ADCY2: variants seen among roughly 807,000 people sequenced by gnomAD.
ADCY2 encodes the protein adenylate cyclase 2.
In ADCY2, 31 loss-of-function variants were observed where a neutral mutation model predicts 125.2. That is an observed-to-expected ratio of 0.25 (90% CI 0.19 to 0.33). ADCY2 has a LOEUF of 0.33. Among genes scored for constraint, ADCY2 ranks in the 10% least tolerant of loss-of-function variants. The pLI is 1.00. For synonymous variants in ADCY2, 512 were observed against 548.4 expected (o/e 0.93, Z 0.93); for missense variants, 904 against 1,418.2 (o/e 0.64, Z 5.82).
chr5:7,667,158 A>G (rs149440528), intron 4 of ADCY2, among the ~76,000 whole-genome samples: 150 of 152,282 alleles, frequency 9.9e-4, no homozygotes, highest in Admixed American at 4.3e-3. Flanking sequence ...AGAAGGGGAG[A>G]GGATTACTGC....
At position 7,481,579 on chromosome 5, in the gene ADCY2, C is replaced by T. The variant is rs138448436; in HGVS notation, c.409-39159C>T. On this transcript the variant is annotated intron_variant, in intron 2 of 24. Transcript: ENST00000338316. ...ACCACGCCTGGCCTATGTTGAGTACCTTTTCATATGCCTATTAGCCATTTG... is the reference window on the plus strand; with the variant it reads ...ACCACGCCTGGCCTATGTTGAGTACTTTTTCATATGCCTATTAGCCATTTG... Among the ~76,000 whole-genome samples, 74 of 152,242 alleles carry T rather than the reference C, an allele frequency of 4.9e-4. 2 individuals are homozygous for T. In the Middle Eastern group the frequency reaches 0.014, roughly 28 times the overall value.
At chr5:7,698,108 A>G (rs1740954538) in intron 6 of ADCY2, 139 bp from the exon 7 acceptor site, 1 of 977,166 alleles carries the variant, frequency 1.0e-6, no homozygotes, top group African/African-American at 1.6e-5. Context: ...TAATGAAGGG[A>G]AGCCCAACTG....
intron 2 of ADCY2, among the ~76,000 whole-genome samples, chr5:7,516,268 T>C (rs1445954908): frequency 6.6e-6 from 1 of 152,156 alleles, no homozygotes; most frequent in East Asian, 1.9e-4. Context: ...CCATGATGTA[T>C]AGTTGATTGA....
intron 3 of ADCY2, among the ~76,000 whole-genome samples, chr5:7,555,041 C>T (rs577612242): frequency 3.3e-5 from 5 of 152,250 alleles, no homozygotes; most frequent in African/African-American, 1.2e-4. Context: ...AAAGTCATGC[C>T]TTCTTTATGC....
chr5:7,547,946 A>G (rs1472739257), intron 3 of ADCY2, among the ~76,000 whole-genome samples: 1 of 152,196 alleles, frequency 6.6e-6, no homozygotes, highest in Non-Finnish European at 1.5e-5. Context: ...CAGGAGTCTT[A>G]GTTATGGTAG....
At chr5:7,712,324 A>C (rs1169768963) in intron 10 of ADCY2, among the ~76,000 whole-genome samples, 1 of 152,162 alleles carries the variant, frequency 6.6e-6, no homozygotes, top group Non-Finnish European at 1.5e-5. Context: ...TCTCTTGGGA[A>C]CTACCAGCGC....
intron 14 of ADCY2, among the ~76,000 whole-genome samples, chr5:7,732,407 G>A (rs1028046358): frequency 1.3e-5 from 2 of 152,156 alleles, no homozygotes; most frequent in African/African-American, 4.8e-5. Context: ...AAATGCCTGG[G>A]AGCATCACCT....
At chr5:7,792,135 G>A (rs1461110101) in intron 20 of ADCY2, among the ~76,000 whole-genome samples, 1 of 150,888 alleles carries the variant, frequency 6.6e-6, no homozygotes, top group African/African-American at 2.5e-5. Context: ...ACTTTGGGAG[G>A]CCAAGGCGTT....
At chr5:7,811,238 C>T (rs1024144356) in intron 22 of ADCY2, among the ~76,000 whole-genome samples, 1 of 152,132 alleles carries the variant, frequency 6.6e-6, no homozygotes, top group African/African-American at 2.4e-5. Context: ...CGCAGTGGCT[C>T]ACGCCTGTAA....
chr5:7,472,386 C>T (rs1045039891), intron 2 of ADCY2, among the ~76,000 whole-genome samples: 8 of 152,136 alleles, frequency 5.3e-5, no homozygotes, highest in African/African-American at 1.9e-4. Flanking sequence ...TCTTATGGCT[C>T]CTGAAATTAT....
At chr5:7,499,648 GATATATATATATATATATATATAT>G (rs70940741) in intron 2 of ADCY2, among the ~76,000 whole-genome samples, 123 of 118,416 alleles carry the variant, frequency 1.0e-3, no homozygotes, top group South Asian at 4.4e-3. Flanking sequence ...TATGTGGGTG[GATATATATATATATATATATATAT>G]ATATATATAT....
chr5:7,581,268 T>C (rs12656409), intron 3 of ADCY2, among the ~76,000 whole-genome samples: 39,114 of 151,874 alleles, frequency 0.26, 5,442 homozygotes, highest in East Asian at 0.43. Flanking sequence ...TTGTAATACA[T>C]GACAGGGATA....
At chr5:7,549,137 G>A (rs774601134) in intron 3 of ADCY2, among the ~76,000 whole-genome samples, 1 of 152,164 alleles carries the variant, frequency 6.6e-6, no homozygotes, top group Non-Finnish European at 1.5e-5. Context: ...CATGAAGTTG[G>A]CATATGAAGC....
At chr5:7,487,565 G>C (rs1742987155) in intron 2 of ADCY2, among the ~76,000 whole-genome samples, 1 of 152,156 alleles carries the variant, frequency 6.6e-6, no homozygotes, top group African/African-American at 2.4e-5. Flanking sequence ...TTTCCACTGT[G>C]GGTGAGGCGA....
At chr5:7,814,359 T>C (rs1223675434) in intron 22 of ADCY2, among the ~76,000 whole-genome samples, 1 of 148,594 alleles carries the variant, frequency 6.7e-6, no homozygotes. Flanking sequence ...CCCGGAGCAT[T>C]GTTATTGTCA....
intron 15 of ADCY2, among the ~76,000 whole-genome samples, chr5:7,756,494 A>G (rs78276495): frequency 0.046 from 6,937 of 152,308 alleles, 543 homozygotes; most frequent in African/African-American, 0.16. Context: ...GTTTTATTCA[A>G]GCTTTAAAAA....
intron 3 of ADCY2, among the ~76,000 whole-genome samples, chr5:7,615,338 C>T (rs1038241953): frequency 1.3e-5 from 2 of 152,178 alleles, no homozygotes; most frequent in African/African-American, 4.8e-5. Flanking sequence ...GAATTCCTTG[C>T]TGGTTTTCCG....
At chr5:7,796,450 C>T (rs911635994) in intron 20 of ADCY2, 1 of 152,198 alleles carries the variant, frequency 6.6e-6, no homozygotes. Flanking sequence ...CTACCCACTG[C>T]ATCAATGCAC....
Position 7,396,648 on chromosome 5 carries a change from C to G in ADCY2, c.210+142C>G. On this transcript the variant is annotated intron_variant, in intron 1 of 24. Transcript: ENST00000338316. This position sits in a 1 kb window ranked among gnomAD's most constrained non-coding sequence, Gnocchi z 5.7. ...CGCGGCAGCCCCTCGGCCCGCGGCT[C>G]CCTGCTTCTCCTGCTGGCCCGCGGC... is the stretch of plus-strand genomic sequence containing the variant. The G allele has an allele frequency of 6.3e-6, 3 of 477,540 alleles. No homozygotes were observed. The highest frequency in any genetic ancestry group is 3.1e-6 in the Non-Finnish European group (1 of 322,330). 29.6% of individuals were successfully genotyped at this position (477,540 alleles called of 1,614,324 possible). A position where few individuals can be genotyped will look rare whatever the true frequency, so the allele number is the denominator to read the frequency against.
Sources: allele counts gnomAD v4.1 joint callset (sites outside exome capture counted in the v4.1 genomes callset), GRCh38; gene constraint gnomAD v4.1.1; non-coding constraint Gnocchi (gnomAD v3.1); transcripts MANE v1.5; gene names NCBI Gene and HGNC (gene_info 2026-07-23, HGNC 2026-07-21).